The following RBFOX1 variants were observed in gnomAD, a reference collection of about 807,000 sequenced individuals.
The protein encoded by RBFOX1 is RNA binding protein fox-1 homolog 1.
In RBFOX1, 8 loss-of-function variants were observed where a neutral mutation model predicts 57.7. That is an observed-to-expected ratio of 0.14 (90% CI 0.08 to 0.25). The LOEUF is 0.25. Among genes scored for constraint, RBFOX1 ranks in the 10% least tolerant of loss-of-function variants. The pLI is 1.00. For missense variants in RBFOX1, 611 were observed against 548.5 expected (o/e 1.11, Z -1.14); for synonymous variants, 326 against 222.4 (o/e 1.47, Z -4.15).
chr16:6,379,666 A>G (rs941325467), intron 2 of RBFOX1, among the ~76,000 whole-genome samples: 8 of 148,496 alleles, frequency 5.4e-5, no homozygotes, highest in African/African-American at 7.4e-5. Context: ...AGAGCTGTGC[A>G]TTGGATTTAG....
At chr16:5,596,719 A>AGAAAAC (rs1211119089) in intron 2 of RBFOX1, among the ~76,000 whole-genome samples, 3 of 152,224 alleles carry the variant, frequency 2.0e-5, no homozygotes, top group Non-Finnish European at 4.4e-5. Flanking sequence ...GGGACTGAAA[A>AGAAAAC]GAAAGTGACA....
intron 4 of RBFOX1, among the ~76,000 whole-genome samples, chr16:5,870,216 C>G (rs8053579): frequency 0.37 from 54,928 of 149,938 alleles, 10,239 homozygotes; most frequent in Non-Finnish European, 0.4. Context: ...ATAGTGGTTA[C>G]CTCTGGGAGG....
intron 2 of RBFOX1, among the ~76,000 whole-genome samples, chr16:6,544,776 G>C (rs2096872141): frequency 1.3e-5 from 2 of 152,178 alleles, no homozygotes; most frequent in African/African-American, 4.8e-5. Flanking sequence ...CAAAGATATT[G>C]TGAAAATTGA....
At chr16:6,838,516 A>G (rs571984825) in intron 3 of RBFOX1, among the ~76,000 whole-genome samples, 2 of 152,178 alleles carry the variant, frequency 1.3e-5, no homozygotes, top group Non-Finnish European at 2.9e-5. Flanking sequence ...GTGGGTATAA[A>G]TGCAACTGCA....
chr16:7,239,032 C>T (rs540702847), intron 4 of RBFOX1, among the ~76,000 whole-genome samples: 2 of 152,132 alleles, frequency 1.3e-5, no homozygotes, highest in African/African-American at 2.4e-5. Context: ...TTTCTTTATC[C>T]AGTCTATCAT....
intron 1 of RBFOX1, among the ~76,000 whole-genome samples, chr16:5,273,627 G>T (rs928144339): frequency 2.0e-5 from 3 of 152,184 alleles, no homozygotes; most frequent in Non-Finnish European, 4.4e-5. Flanking sequence ...GTGGATATCA[G>T]AGGAAGCCAA....
chr16:6,085,222 G>A (rs550154699), intron 1 of RBFOX1, among the ~76,000 whole-genome samples: 6 of 152,170 alleles, frequency 3.9e-5, no homozygotes, highest in African/African-American at 1.4e-4. Context: ...GTGACTTTTG[G>A]TTAGAAACAT....
chr16:7,048,699 C>G (rs976552494), intron 3 of RBFOX1, among the ~76,000 whole-genome samples: 2 of 151,096 alleles, frequency 1.3e-5, no homozygotes, highest in African/African-American at 2.4e-5. Context: ...ATTCCAACAT[C>G]TTTGCTATGT....
chr16:7,140,157 C>CCTCCCTCTCTCTCT (rs2073300584), intron 4 of RBFOX1, among the ~76,000 whole-genome samples: 12 of 70,888 alleles, frequency 1.7e-4, no homozygotes, highest in African/African-American at 6.5e-4. Flanking sequence ...TCCTTCTCTC[C>CCTCCCTCTCTCTCT]CTCTCTCTCT....
At chr16:7,463,184 C>T (rs566136025) in intron 4 of RBFOX1, among the ~76,000 whole-genome samples, 47 of 152,222 alleles carry the variant, frequency 3.1e-4, no homozygotes, top group African/African-American at 8.9e-4. Context: ...AAGGGACTTG[C>T]AGGCTCTCTG....
At chr16:7,701,309 T>TG (rs1293137913) in intron 14 of RBFOX1, among the ~76,000 whole-genome samples, 6 of 152,150 alleles carry the variant, frequency 3.9e-5, no homozygotes, top group Admixed American at 6.5e-5. Flanking sequence ...GTGAGCGGGG[T>TG]GGGGGGTGAG....
chr16:7,685,602 G>A (rs1193735498), intron 14 of RBFOX1, among the ~76,000 whole-genome samples: 2 of 152,144 alleles, frequency 1.3e-5, no homozygotes, highest in Non-Finnish European at 2.9e-5. Context: ...AAGAGGTGGT[G>A]CAAATGTTAT....
chr16:7,597,495 C>T, intron 9 of RBFOX1, 64 bp downstream of exon 9: 1 of 1,395,960 alleles, frequency 7.2e-7, no homozygotes, highest in Non-Finnish European at 1.0e-6. Context: ...GTAATTTAAC[C>T]AGAGATTCTA....
intron 3 of RBFOX1, among the ~76,000 whole-genome samples, chr16:6,809,857 G>C (rs935009658): frequency 1.3e-5 from 2 of 152,078 alleles, no homozygotes; most frequent in East Asian, 1.9e-4. Context: ...TAATTCACCA[G>C]TCCGGTGCCT....
chr16:7,141,275 A>T (rs1056121669), intron 4 of RBFOX1, among the ~76,000 whole-genome samples: 2 of 152,158 alleles, frequency 1.3e-5, no homozygotes, highest in African/African-American at 4.8e-5. Context: ...CAGGGCATCT[A>T]TTCACACCCA....
intron 1 of RBFOX1, among the ~76,000 whole-genome samples, chr16:6,110,367 C>G (rs959802651): frequency 1.3e-5 from 2 of 151,904 alleles, no homozygotes; most frequent in Non-Finnish European, 1.5e-5. Context: ...TAGGTAGGCA[C>G]TGAAAAAATT....
intron 3 of RBFOX1, among the ~76,000 whole-genome samples, chr16:7,028,605 CACACAAAAAAAAA>C (rs1308740246): frequency 9.9e-4 from 37 of 37,416 alleles, no homozygotes; most frequent in African/African-American, 4.3e-3. Flanking sequence ...CACACACACA[CACACAAAAAAAAA>C]AAAAAAAAAA....
Position 6,122,605 on chromosome 16 carries a change from C to T in RBFOX1, c.-127+102613C>T, listed in dbSNP as rs56115429. ...TGCTGACTAGGCCTTCCGTGTGACA[C>T]CCGCTCCCCATTAATGATTGACTGA... is the stretch of plus-strand genomic sequence containing the variant. On this transcript the variant is annotated intron_variant, in intron 1 of 15. Coordinates refer to ENST00000550418, the MANE Select transcript of RBFOX1 (RefSeq NM_018723.4). 8.9e-3 allele frequency among the ~76,000 whole-genome samples: 1,349 copies of T among 152,224 alleles called. 23 individuals are homozygous for T. Among genetic ancestry groups the T allele is most frequent in the African/African-American group, 0.03 (1,247 of 41,516 alleles).
At chr16:5,341,035 A>G (rs921848647) in intron 1 of RBFOX1, among the ~76,000 whole-genome samples, 3 of 152,214 alleles carry the variant, frequency 2.0e-5, no homozygotes, top group African/African-American at 7.2e-5. Context: ...GTGGATGCCT[A>G]GGAAGAAGAG....
Sources: allele counts gnomAD v4.1 joint callset (sites outside exome capture counted in the v4.1 genomes callset), GRCh38; gene constraint gnomAD v4.1.1; transcripts MANE v1.5; gene names NCBI Gene and HGNC (gene_info 2026-07-23, HGNC 2026-07-21).